CRIM1: variants seen among roughly 807,000 people sequenced by gnomAD.
CRIM1 encodes the protein cysteine-rich motor neuron 1 protein.
In CRIM1, 32 loss-of-function variants were observed where a neutral mutation model predicts 116.4. The observed-to-expected ratio is 0.27, with a 90% CI of 0.21 to 0.37. The LOEUF (loss-of-function observed/expected upper bound fraction) is 0.37, where lower values mean the gene tolerates loss of function less well. Among genes scored for constraint, CRIM1 ranks in the 10% least tolerant of loss-of-function variants. CRIM1 has a pLI of 1.00. For missense variants in CRIM1, 1,331 were observed against 1,354.8 expected (o/e 0.98, Z 0.28); for synonymous variants, 590 against 509.2 (o/e 1.16, Z -2.13).
chr2:36,479,240 C>T (rs1679217912), intron 6 of CRIM1, among the ~76,000 whole-genome samples: 1 of 152,182 alleles, frequency 6.6e-6, no homozygotes, highest in Non-Finnish European at 1.5e-5. Flanking sequence ...AGAGTGATAA[C>T]ACCTGCACAT....
intron 4 of CRIM1, among the ~76,000 whole-genome samples, chr2:36,450,428 G>A (rs1572759552): frequency 2.0e-5 from 3 of 152,136 alleles, no homozygotes; most frequent in South Asian, 4.2e-4. Flanking sequence ...ACATTTAATC[G>A]TGCATACACA....
At chr2:36,498,151 A>T (rs1278053579) in intron 7 of CRIM1, among the ~76,000 whole-genome samples, 1 of 152,232 alleles carries the variant, frequency 6.6e-6, no homozygotes. Context: ...AAGATGTTGC[A>T]TAAGTATGTC....
Position 36,550,865 on chromosome 2 carries a change from TACTA to T in CRIM1, c.*2167_*2170del, listed in dbSNP as rs1350938229. Reference sequence around the variant, plus strand: ...TTCAATCATGGCCATATTATGAAAATACTAACAGGATATAGGACAAGGTGTAAAT... The same window carrying T: ...TTCAATCATGGCCATATTATGAAAATACAGGATATAGGACAAGGTGTAAAT... On this transcript the variant is annotated 3_prime_UTR_variant, in exon 17 of 17. Transcript: ENST00000280527. 1 of 152,532 alleles carries T rather than the reference TACTA, an allele frequency of 6.6e-6. No individual in the cohort carries two copies. The highest frequency in any genetic ancestry group is 1.5e-5 in the Non-Finnish European group (1 of 67,996). 9.4% of individuals were successfully genotyped at this position (152,532 alleles called of 1,614,324 possible). A position where few individuals can be genotyped will look rare whatever the true frequency, so the allele number is the denominator to read the frequency against.
At chr2:36,429,954 T>G (rs1347545255) in intron 2 of CRIM1, among the ~76,000 whole-genome samples, 4 of 152,180 alleles carry the variant, frequency 2.6e-5, no homozygotes, top group African/African-American at 9.7e-5. Context: ...GAGCATTCCC[T>G]TCAGAGAGAG....
chr2:36,389,299 G>A (rs891689393), intron 1 of CRIM1, among the ~76,000 whole-genome samples: 2 of 152,038 alleles, frequency 1.3e-5, no homozygotes, highest in Non-Finnish European at 2.9e-5. Context: ...ATTCCTCCTC[G>A]AGCAGAACGG....
At chr2:36,517,734 A>T (rs1665125197) in intron 12 of CRIM1, among the ~76,000 whole-genome samples, 192 bp downstream of exon 12, 1 of 152,204 alleles carries the variant, frequency 6.6e-6, no homozygotes, top group Non-Finnish European at 1.5e-5. Context: ...TGCAGTCAGC[A>T]TGCCTCACAC....
intron 2 of CRIM1, among the ~76,000 whole-genome samples, chr2:36,411,968 A>C (rs560930661): frequency 1.3e-5 from 2 of 152,282 alleles, no homozygotes; most frequent in South Asian, 4.1e-4. Flanking sequence ...CCAACTTTGC[A>C]ATTAAATTGT....
At chr2:36,407,605 T>C (rs1011583782) in intron 2 of CRIM1, among the ~76,000 whole-genome samples, 4 of 151,596 alleles carry the variant, frequency 2.6e-5, no homozygotes, top group Non-Finnish European at 4.4e-5. Context: ...CTGAGACCAG[T>C]TGGAGAGGAG....
At chr2:36,402,176 A>T (rs1425627747) in intron 2 of CRIM1, among the ~76,000 whole-genome samples, 1 of 152,196 alleles carries the variant, frequency 6.6e-6, no homozygotes, top group Non-Finnish European at 1.5e-5. Flanking sequence ...AAAATAGCAT[A>T]TGGTATGATA....
intron 5 of CRIM1, 53 bp downstream of exon 5, chr2:36,464,708 G>A (rs1677862473): frequency 1.4e-5 from 23 of 1,593,588 alleles, no homozygotes; most frequent in Non-Finnish European, 1.9e-5. Flanking sequence ...CAGAGGAGGA[G>A]GAGGGAGGGT....
At chr2:36,432,176 G>T (rs747132434) in intron 2 of CRIM1, among the ~76,000 whole-genome samples, 1 of 152,118 alleles carries the variant, frequency 6.6e-6, no homozygotes, top group Admixed American at 6.6e-5. Context: ...TTGTGGGTCA[G>T]TGTTTATGGC....
At position 36,379,192 on chromosome 2, in the gene CRIM1, A is replaced by G. The variant is rs1337930758; in HGVS notation, c.332-17422A>G. ...TGTAACTATGAAATCCTTGCCTTGTAGTCAACTTAAAATGAAATAAATTTA... is the reference window on the plus strand; with the variant it reads ...TGTAACTATGAAATCCTTGCCTTGTGGTCAACTTAAAATGAAATAAATTTA... On this transcript the variant is annotated intron_variant, in intron 1 of 16. Coordinates refer to ENST00000280527, the MANE Select transcript of CRIM1 (RefSeq NM_016441.3). 3 of 152,098 alleles carry G rather than the reference A, an allele frequency of 2.0e-5. No individual in the cohort carries two copies. The East Asian group carries it at 5.8e-4, about 29-fold the overall frequency. 9.4% of individuals were successfully genotyped at this position (152,098 alleles called of 1,614,324 possible).
At position 36,396,800 on chromosome 2, in the gene CRIM1, T is replaced by A; in HGVS notation, c.505+13T>A. The A allele has an allele frequency of 1.9e-6, 3 of 1,600,378 alleles. 1 individual carries two copies. In the South Asian group the frequency reaches 3.3e-5, roughly 18 times the overall value. Reference sequence around the variant, plus strand: ...AAGAGAATTGAAGGTAAGCATTAATTTTTGTTAACCATCCAGTCGTAAGCC... The same window carrying A: ...AAGAGAATTGAAGGTAAGCATTAATATTTGTTAACCATCCAGTCGTAAGCC... On this transcript the variant is annotated intron_variant, in intron 2 of 16. Coordinates refer to ENST00000280527, the MANE Select transcript of CRIM1 (RefSeq NM_016441.3).
At chr2:36,509,142 TC>T (rs1252324197) in intron 8 of CRIM1, among the ~76,000 whole-genome samples, 2 of 152,152 alleles carry the variant, frequency 1.3e-5, no homozygotes, top group Non-Finnish European at 2.9e-5. Context: ...TAGTAAGAAA[TC>T]CCTTATGCTG....
intron 2 of CRIM1, among the ~76,000 whole-genome samples, chr2:36,416,142 AGGTT>A (rs1673601840): frequency 6.6e-6 from 1 of 152,100 alleles, no homozygotes; most frequent in African/African-American, 2.4e-5. Flanking sequence ...TGGGAGGTGG[AGGTT>A]ACAGTGAGCA....
chr2:36,438,170 A>G (rs1675477451), intron 2 of CRIM1, among the ~76,000 whole-genome samples: 1 of 152,054 alleles, frequency 6.6e-6, no homozygotes, highest in African/African-American at 2.4e-5. Flanking sequence ...ATAACCAGTA[A>G]GATCTAATAT....
intron 4 of CRIM1, among the ~76,000 whole-genome samples, chr2:36,461,284 C>T (rs1273129213): frequency 1.3e-5 from 2 of 152,168 alleles, no homozygotes; most frequent in Non-Finnish European, 2.9e-5. Flanking sequence ...CAGCTTTTCT[C>T]ATGAAATGCT....
chr2:36,380,604 A>C (rs550279379), intron 1 of CRIM1, among the ~76,000 whole-genome samples: 5 of 152,214 alleles, frequency 3.3e-5, no homozygotes, highest in Non-Finnish European at 7.3e-5. Flanking sequence ...ACATAAAGAA[A>C]GTTTGGGAGA....
intron 1 of CRIM1, among the ~76,000 whole-genome samples, chr2:36,381,998 C>T (rs947836282): frequency 6.6e-6 from 1 of 152,176 alleles, no homozygotes; most frequent in African/African-American, 2.4e-5. Context: ...ACACTTGGGT[C>T]TGTTACCTCC....
Sources: gnomAD v4.1 joint callset for allele counts (sites outside exome capture counted in the v4.1 genomes callset) on GRCh38, gnomAD v4.1.1 for gene constraint, MANE v1.5 for transcripts, NCBI Gene and HGNC (gene_info 2026-07-23, HGNC 2026-07-21) for gene names.